PDZRN4: variants seen among roughly 807,000 people sequenced by gnomAD.
PDZRN4 encodes the protein PDZ domain-containing RING finger protein 4.
PDZRN4 carries 70 observed loss-of-function variants against 99.0 expected under a neutral mutation model. The observed-to-expected ratio is 0.71, with a 90% CI of 0.58 to 0.86. The LOEUF is 0.86. Among genes scored for constraint, PDZRN4 ranks in the 40% least tolerant of loss-of-function variants. The probability of loss-of-function intolerance (pLI) is 0.00; values close to 1 mark genes in which losing one functional copy is unlikely to be tolerated. For missense variants in PDZRN4, 1,474 were observed against 1,331.2 expected, an observed-to-expected ratio of 1.11 and a Z score of -1.67; for synonymous variants, 551 against 501.6, an observed-to-expected ratio of 1.10 and a Z score of -1.32.
chr12:41,213,432 A>AT (rs930552018), intron 3 of PDZRN4, among the ~76,000 whole-genome samples: 41 of 152,026 alleles, frequency 2.7e-4, no homozygotes, highest in African/African-American at 9.9e-4. Context: ...TCTAACAATA[A>AT]TAATGCTACT....
chr12:41,367,711 A>G (rs958781160), intron 3 of PDZRN4, among the ~76,000 whole-genome samples: 1 of 152,094 alleles, frequency 6.6e-6, no homozygotes, highest in African/African-American at 2.4e-5. Flanking sequence ...TATAGCTATG[A>G]AAAAATTCAA....
In PDZRN4 at chr12:41,546,127, C is replaced by T. The variant is rs79788499; in HGVS notation, c.1204-6529C>T. Among the ~76,000 whole-genome samples, 255 of 152,238 alleles carry T rather than the reference C, an allele frequency of 1.7e-3. 1 individual carries two copies. The highest frequency in any genetic ancestry group is 5.8e-3 in the African/African-American group (241 of 41,536). ...CTCATTTGCAAATTGTGGTAATGAA[C>T]GTACAGGGAAAGCAGTCACTATGGT... On this transcript the variant is annotated intron_variant, in intron 5 of 9. Transcript: ENST00000402685.
rs117477414 is a variant in PDZRN4 at position 41,424,369 on chromosome 12, T to C, written c.844-82087T>C. On this transcript the variant is annotated intron_variant, in intron 3 of 9. Coordinates refer to ENST00000402685, the MANE Select transcript of PDZRN4 (RefSeq NM_001164595.2). Reference sequence around the variant, plus strand: ...TTGTTCTCCCTTCATTCCAAACAAATATTGCATATGTATGATTAAACACAT... The same window carrying C: ...TTGTTCTCCCTTCATTCCAAACAAACATTGCATATGTATGATTAAACACAT... 7.6e-3 allele frequency among the ~76,000 whole-genome samples: 1,161 copies of C among 152,280 alleles called. 10 individuals carry two copies. Among genetic ancestry groups the C allele is most frequent in the Non-Finnish European group, 0.01 (699 of 68,012 alleles).
intron 4 of PDZRN4, 102 bp from the exon 5 acceptor site, chr12:41,509,709 T>C: frequency 3.2e-6 from 2 of 628,174 alleles, no homozygotes; most frequent in Non-Finnish European, 5.6e-6. Context: ...CTACAGATCT[T>C]ATTCCAAAGC....
intron 3 of PDZRN4, among the ~76,000 whole-genome samples, chr12:41,231,371 T>A (rs980119961): frequency 6.6e-6 from 1 of 152,092 alleles, no homozygotes; most frequent in African/African-American, 2.4e-5. Context: ...AATTTTCCGG[T>A]AACATCATTC....
At chr12:41,360,939 AGTGTGTGTGTGTGTGTGTGT>A (rs10522706) in intron 3 of PDZRN4, among the ~76,000 whole-genome samples, 589 of 150,492 alleles carry the variant, frequency 3.9e-3, no homozygotes, top group African/African-American at 0.014. Flanking sequence ...GAATAAGTAA[AGTGTGTGTGTGTGTGTGTGT>A]GTGTGTGTGT....
At chr12:41,414,038 T>C (rs1331801993) in intron 3 of PDZRN4, among the ~76,000 whole-genome samples, 1 of 152,132 alleles carries the variant, frequency 6.6e-6, no homozygotes, top group Non-Finnish European at 1.5e-5. Context: ...TGATTGCTTG[T>C]CTGAAAAAAA....
Position 41,394,557 on chromosome 12 carries a change from C to T in PDZRN4, c.844-111899C>T, listed in dbSNP as rs114322119. Among the ~76,000 whole-genome samples, 908 of 152,220 alleles carry T rather than the reference C, an allele frequency of 6.0e-3. 10 individuals are homozygous for T. Among genetic ancestry groups the T allele is most frequent in the African/African-American group, 0.021 (865 of 41,550 alleles). On this transcript the variant is annotated intron_variant, in intron 3 of 9. Transcript: ENST00000402685. Reference sequence around the variant, plus strand: ...GAATCCAGCAACATCTTAGCTGGCTCGGGGTCACTCATGAGATTGACCAAG... The same window carrying T: ...GAATCCAGCAACATCTTAGCTGGCTTGGGGTCACTCATGAGATTGACCAAG...
rs979421742 is a variant in PDZRN4 at position 41,571,416 on chromosome 12, C to T, written c.1585-948C>T. ...CACACACACACACACACTACATAAACATACATGCATGCCTATATACATATA... is the reference window on the plus strand; with the variant it reads ...CACACACACACACACACTACATAAATATACATGCATGCCTATATACATATA... On this transcript the variant is annotated intron_variant, in intron 9 of 9. Transcript: ENST00000402685. Among the ~76,000 whole-genome samples, 4 of 144,088 alleles carry T rather than the reference C, an allele frequency of 2.8e-5. No homozygotes were observed. In the East Asian group the frequency reaches 8.8e-4, roughly 32 times the overall value. 94.5% of individuals were successfully genotyped at this position (144,088 alleles called of 152,430 possible). A position where few individuals can be genotyped will look rare whatever the true frequency, so the allele number is the denominator to read the frequency against.
At chr12:41,440,493 C>T (rs185657478) in intron 3 of PDZRN4, among the ~76,000 whole-genome samples, 6 of 152,180 alleles carry the variant, frequency 3.9e-5, no homozygotes, top group East Asian at 3.9e-4. Context: ...CAAATGTGCT[C>T]GCTGAGGAGT....
Position 41,565,427 on chromosome 12 carries a change from A to G in PDZRN4, c.1467+1778A>G, listed in dbSNP as rs1939349482. Among the ~76,000 whole-genome samples, 3 of 146,002 alleles carry G rather than the reference A, an allele frequency of 2.1e-5. No homozygotes were observed. The Admixed American group carries it at 2.1e-4, about 10-fold the overall frequency. ...AAATGTAATTTAATCAGTACATGCTATAAAGTGGCAAAAAAAAAACTAAAA... is the reference window on the plus strand; with the variant it reads ...AAATGTAATTTAATCAGTACATGCTGTAAAGTGGCAAAAAAAAAACTAAAA... On this transcript the variant is annotated intron_variant, in intron 8 of 9. Transcript: ENST00000402685.
Position 41,573,667 on chromosome 12 carries a change from T to G in PDZRN4, c.2888T>G (p.Met963Arg), listed in dbSNP as rs762329524. The G allele has an allele frequency of 2.5e-6, 4 of 1,613,946 alleles. 1 individual carries two copies. Among genetic ancestry groups the G allele is most frequent in the Middle Eastern group, 1.7e-4 (1 of 6,060 alleles). Residue 963 changes from methionine (M) to arginine (R), a missense_variant, in exon 10 of 10, where the codon ATG (methionine) becomes AGG (arginine). Met to Arg is a moderately conservative substitution (Grantham distance 91). Transcript: ENST00000402685. ...GAGCAGCGCCGTCGCCGTGAGTTCA[T>G]GATGCGAAGCAGGTTAGAGTGTCTC... The part of the protein sequence containing the change: ...AKEQRRRREF[M>R]MRSRLECLKE...
At chr12:41,443,318 T>C (rs1392599483) in intron 3 of PDZRN4, among the ~76,000 whole-genome samples, 1 of 151,884 alleles carries the variant, frequency 6.6e-6, no homozygotes, top group East Asian at 1.9e-4. Context: ...GAAACTAAAA[T>C]GATGAAAGGG....
intron 5 of PDZRN4, among the ~76,000 whole-genome samples, chr12:41,535,431 T>G (rs1258387990): frequency 6.6e-6 from 1 of 152,228 alleles, no homozygotes; most frequent in Non-Finnish European, 1.5e-5. Flanking sequence ...CAAGTTAGTG[T>G]GAATTTGAAC....
At chr12:41,489,825 G>A (rs1481711841) in intron 3 of PDZRN4, among the ~76,000 whole-genome samples, 1 of 151,978 alleles carries the variant, frequency 6.6e-6, no homozygotes, top group Non-Finnish European at 1.5e-5. Context: ...CAATAGTTCT[G>A]GGCTCTGGTT....
chr12:41,403,360 T>C (rs1952317736), intron 3 of PDZRN4, among the ~76,000 whole-genome samples: 2 of 152,092 alleles, frequency 1.3e-5, no homozygotes, highest in South Asian at 4.1e-4. Context: ...TTTGTAACAG[T>C]AGAATTAGAA....
At chr12:41,507,616 A>T (rs773359681) in intron 4 of PDZRN4, among the ~76,000 whole-genome samples, 1 of 152,158 alleles carries the variant, frequency 6.6e-6, no homozygotes, top group Non-Finnish European at 1.5e-5. Context: ...CAGAAGCTGT[A>T]TCAGTACCTG....
At chr12:41,473,502 T>C (rs1367429503) in intron 3 of PDZRN4, 5 of 152,216 alleles carry the variant, frequency 3.3e-5, no homozygotes, top group Admixed American at 1.3e-4. Flanking sequence ...GGAAGAGCCA[T>C]GGCATCCCCA....
At chr12:41,486,362 T>C (rs1937773232) in intron 3 of PDZRN4, among the ~76,000 whole-genome samples, 1 of 152,170 alleles carries the variant, frequency 6.6e-6, no homozygotes, top group South Asian at 2.1e-4. Context: ...GGTTCAAACC[T>C]CATTGCTTTT....
Sources: gnomAD v4.1 joint callset for allele counts (sites outside exome capture counted in the v4.1 genomes callset) on GRCh38, gnomAD v4.1.1 for gene constraint, MANE v1.5 for transcripts, NCBI Gene and HGNC (gene_info 2026-07-23, HGNC 2026-07-21) for gene names.